The following TCERG1L variants were observed in gnomAD, a reference collection of about 807,000 sequenced individuals.
TCERG1L encodes the protein transcription elongation regulator 1 like, also known as transcription elongation regulator 1-like protein.
In TCERG1L, 37 loss-of-function variants were observed where a neutral mutation model predicts 56.3. The observed-to-expected ratio is 0.66, with a 90% confidence interval of 0.51 to 0.87. TCERG1L has a LOEUF of 0.87. Among genes scored for constraint, TCERG1L ranks in the 40% least tolerant of loss-of-function variants. TCERG1L has a pLI of 0.00. For synonymous variants in TCERG1L, 324 were observed against 326.3 expected (o/e 0.99, Z 0.08); for missense variants, 799 against 774.2 (o/e 1.03, Z -0.38).
chr10:131,278,336 T>C (rs975297310), intron 3 of TCERG1L, among the ~76,000 whole-genome samples: 2 of 150,798 alleles, frequency 1.3e-5, no homozygotes, highest in African/African-American at 2.4e-5. Context: ...CTTTTCTTTT[T>C]TCTTTTTTTT....
At chr10:131,189,771 G>T (rs1487604307) in intron 4 of TCERG1L, among the ~76,000 whole-genome samples, 1 of 152,110 alleles carries the variant, frequency 6.6e-6, no homozygotes, top group East Asian at 1.9e-4. Flanking sequence ...TTTCATAGAG[G>T]TTGTACTAAT....
chr10:131,165,404 G>C (rs1358359627), intron 5 of TCERG1L, among the ~76,000 whole-genome samples: 1 of 152,188 alleles, frequency 6.6e-6, no homozygotes, highest in Non-Finnish European at 1.5e-5. Flanking sequence ...TTTTACACAT[G>C]ATTTGTAATG....
At chr10:131,185,516 G>A (rs1167637810) in intron 4 of TCERG1L, among the ~76,000 whole-genome samples, 1 of 152,130 alleles carries the variant, frequency 6.6e-6, no homozygotes, top group Non-Finnish European at 1.5e-5. Flanking sequence ...TCCAGAATAT[G>A]CAAAGAATTC....
chr10:131,241,419 G>A (rs1335134572), intron 4 of TCERG1L, among the ~76,000 whole-genome samples: 1 of 152,120 alleles, frequency 6.6e-6, no homozygotes, highest in Non-Finnish European at 1.5e-5. Context: ...TGCAGGCAGA[G>A]GAGGAGGAAG....
chr10:131,214,833 A>C (rs767092432), intron 4 of TCERG1L, among the ~76,000 whole-genome samples: 1 of 152,236 alleles, frequency 6.6e-6, no homozygotes, highest in South Asian at 2.1e-4. Flanking sequence ...GAGCCAGCAA[A>C]CATGTACTGA....
chr10:131,238,018 C>G (rs182859239), intron 4 of TCERG1L, among the ~76,000 whole-genome samples: 14 of 152,324 alleles, frequency 9.2e-5, no homozygotes, highest in Admixed American at 5.2e-4. Flanking sequence ...CAATGGCCGT[C>G]TTTTCAACAA....
intron 8 of TCERG1L, among the ~76,000 whole-genome samples, chr10:131,133,150 C>G (rs1845637082): frequency 6.6e-6 from 1 of 152,190 alleles, no homozygotes; most frequent in Admixed American, 6.5e-5. Flanking sequence ...CCTGACCGCC[C>G]TGGCTGCTGG....
At chr10:131,182,241 C>A (rs1360533273) in intron 4 of TCERG1L, among the ~76,000 whole-genome samples, 1 of 152,160 alleles carries the variant, frequency 6.6e-6, no homozygotes, top group African/African-American at 2.4e-5. Context: ...AGAGTGTTCT[C>A]TTGCCTCCGT....
intron 4 of TCERG1L, among the ~76,000 whole-genome samples, chr10:131,206,809 C>T (rs1171842986): frequency 6.6e-6 from 1 of 152,008 alleles, no homozygotes; most frequent in Non-Finnish European, 1.5e-5. Context: ...TTGAAGAGGA[C>T]AAGATCATGA....
intron 7 of TCERG1L, among the ~76,000 whole-genome samples, chr10:131,144,065 C>T (rs887425080): frequency 1.3e-5 from 2 of 151,000 alleles, no homozygotes; most frequent in Non-Finnish European, 2.9e-5. Flanking sequence ...AAGACACACG[C>T]ACACGCAGGC....
chr10:131,273,181 G>A (rs941368483), intron 3 of TCERG1L, among the ~76,000 whole-genome samples: 1 of 152,090 alleles, frequency 6.6e-6, no homozygotes, highest in African/African-American at 2.4e-5. Context: ...CATGGCAATG[G>A]GTCCTGGACT....
At chr10:131,240,586 C>T (rs761864759) in intron 4 of TCERG1L, among the ~76,000 whole-genome samples, 2 of 152,284 alleles carry the variant, frequency 1.3e-5, no homozygotes, top group Admixed American at 1.3e-4. Context: ...CAGGCCTGCT[C>T]GAGGTGCTGG....
At chr10:131,133,092 G>A (rs1024035283) in intron 8 of TCERG1L, among the ~76,000 whole-genome samples, 17 of 152,146 alleles carry the variant, frequency 1.1e-4, no homozygotes, top group African/African-American at 4.8e-5. Flanking sequence ...CTAGTTCTAC[G>A]TGTTTTGTTC....
chr10:131,140,647 C>T (rs564699531), intron 7 of TCERG1L, among the ~76,000 whole-genome samples: 4 of 152,316 alleles, frequency 2.6e-5, no homozygotes, highest in African/African-American at 9.6e-5. Context: ...GGGGGTCCTC[C>T]TGCACGGGCC....
intron 11 of TCERG1L, among the ~76,000 whole-genome samples, chr10:131,094,526 C>T (rs1239766043): frequency 6.6e-6 from 1 of 152,146 alleles, no homozygotes; most frequent in South Asian, 2.1e-4. Flanking sequence ...TTGAACAATT[C>T]GTCTCATTCC....
intron 2 of TCERG1L, among the ~76,000 whole-genome samples, chr10:131,308,763 A>G (rs949231334): frequency 1.3e-5 from 2 of 152,260 alleles, no homozygotes; most frequent in African/African-American, 2.4e-5. Context: ...GAAAGCCAAA[A>G]CAAACCATTA....
chr10:131,264,767 G>A (rs1201728007), intron 3 of TCERG1L, among the ~76,000 whole-genome samples: 2 of 152,222 alleles, frequency 1.3e-5, no homozygotes, highest in Non-Finnish European at 2.9e-5. Context: ...GAGGGCAAGA[G>A]CTTAAAGCCA....
intron 4 of TCERG1L, among the ~76,000 whole-genome samples, chr10:131,251,797 CTG>C (rs1404842607): frequency 3.9e-5 from 6 of 152,190 alleles, no homozygotes; most frequent in African/African-American, 4.8e-5. Context: ...ATGAAATTTA[CTG>C]TCTCAACCAT....
At chr10:131,232,324 G>A (rs1845861180) in intron 4 of TCERG1L, among the ~76,000 whole-genome samples, 1 of 152,228 alleles carries the variant, frequency 6.6e-6, no homozygotes, top group Non-Finnish European at 1.5e-5. Context: ...AGCCCAGCAG[G>A]ATGAGCAGCT....
Sources: allele counts gnomAD v4.1 joint callset (sites outside exome capture counted in the v4.1 genomes callset), GRCh38; gene constraint gnomAD v4.1.1; transcripts MANE v1.5; gene names NCBI Gene and HGNC (gene_info 2026-07-23, HGNC 2026-07-21).